The following PTCHD4 variants were observed in gnomAD, a reference collection of about 807,000 sequenced individuals.
The protein encoded by PTCHD4 is patched domain-containing protein 4.
A neutral mutation model predicts 58.1 loss-of-function variants in PTCHD4; 33 were observed. The observed-to-expected ratio is 0.57, with a 90% confidence interval of 0.43 to 0.76. The LOEUF (loss-of-function observed/expected upper bound fraction) is 0.76, where lower values mean the gene tolerates loss of function less well. Ranked by LOEUF, PTCHD4 falls within the 30% of genes least tolerant of loss-of-function variation. The pLI is 0.00. For missense variants in PTCHD4, 1,058 were observed against 1,027.1 expected (o/e 1.03, Z -0.41); for synonymous variants, 478 against 409.6 (o/e 1.17, Z -2.02).
At chr6:47,880,005 A>G in intron 4 of PTCHD4, 69 bp from the exon 5 acceptor site, 1 of 1,225,724 alleles carries the variant, frequency 8.2e-7, no homozygotes, top group Admixed American at 2.9e-5. Context: ...AATTCCTTAT[A>G]GTTTATCTAT....
In PTCHD4 at chr6:48,099,607, C is replaced by T. The variant is rs569314916; in HGVS notation, c.-970+11442G>A. Among the ~76,000 whole-genome samples the T allele has an allele frequency of 1.8e-4, 27 of 152,300 alleles. 1 individual carries two copies. In the South Asian group the frequency reaches 5.4e-3, roughly 30 times the overall value. Reference sequence around the variant, plus strand: ...CAGCCATATTTTTCTCGTGATCCTACAAGCAATGTACTTGTGGATTTGTAG... The same window carrying T: ...CAGCCATATTTTTCTCGTGATCCTATAAGCAATGTACTTGTGGATTTGTAG... On this transcript the variant is annotated intron_variant, in intron 1 of 4. Transcript: ENST00000339488.
In PTCHD4 at chr6:48,069,295, G is replaced by A. The variant is rs775002985; in HGVS notation, c.-338C>T. ...CTCCCCGCTGGAGTGAATTGAAGAG[G>A]AAATAAATGGTGAAGGTGCTGCTGG... On this transcript the variant is annotated 5_prime_UTR_variant, in exon 2 of 5. Transcript: ENST00000339488. Among the ~76,000 whole-genome samples the A allele has an allele frequency of 6.6e-6, 1 of 152,094 alleles. No homozygotes were observed. Among genetic ancestry groups the A allele is most frequent in the Non-Finnish European group, 1.5e-5 (1 of 68,006 alleles).
At position 48,111,169 on chromosome 6, in the gene PTCHD4, T is replaced by A. The variant is rs1765868909; in HGVS notation, c.-1090A>T. 2.6e-5 allele frequency among the ~76,000 whole-genome samples: 4 copies of A among 152,092 alleles called. No individual in the cohort carries two copies. In the South Asian group the frequency reaches 6.2e-4, roughly 24 times the overall value. ...CATACTGTGGTTGGTAGTGGCTGCA[T>A]CCCTCTACCGATGGCCAGACTTCTC... On this transcript the variant is annotated 5_prime_UTR_variant, in exon 1 of 5. An upstream start codon of the reference 5' UTR is lost. Transcript: ENST00000339488.
intron 1 of PTCHD4, among the ~76,000 whole-genome samples, chr6:48,099,735 G>A (rs1414455800): frequency 6.6e-6 from 1 of 152,198 alleles, no homozygotes; most frequent in Non-Finnish European, 1.5e-5. Context: ...TGGCCTCCCT[G>A]AGCTTCTAGG....
intron 4 of PTCHD4, among the ~76,000 whole-genome samples, chr6:47,959,925 A>G (rs1340821790): frequency 6.6e-6 from 1 of 151,998 alleles, no homozygotes; most frequent in Non-Finnish European, 1.5e-5. Context: ...TACAAATGTT[A>G]TAAGCAAAAA....
intron 3 of PTCHD4, among the ~76,000 whole-genome samples, chr6:48,011,294 C>T (rs1029685436): frequency 2.1e-4 from 32 of 152,300 alleles, no homozygotes; most frequent in Admixed American, 2.0e-4. Context: ...GATGGTATCT[C>T]ATTGTGGTTT....
At chr6:47,955,640 A>T (rs1205503770) in intron 4 of PTCHD4, among the ~76,000 whole-genome samples, 1 of 152,182 alleles carries the variant, frequency 6.6e-6, no homozygotes, top group Non-Finnish European at 1.5e-5. Context: ...ACATTTTTTT[A>T]ATGGATCAGA....
At position 47,861,272 on chromosome 6, in the gene PTCHD4, A is replaced by C. The variant is rs180679589; in HGVS notation, c.*17031T>G. On this transcript the variant is annotated 3_prime_UTR_variant, in exon 5 of 5. Coordinates refer to ENST00000339488, the MANE Select transcript of PTCHD4 (RefSeq NM_001384253.1). ...GTGGCAACAGGGTAGAAAACGACTCATTAACACTCCTTGCTGATGTTCTTT... is the reference window on the plus strand; with the variant it reads ...GTGGCAACAGGGTAGAAAACGACTCCTTAACACTCCTTGCTGATGTTCTTT... Among the ~76,000 whole-genome samples, 8 of 152,126 alleles carry C rather than the reference A, an allele frequency of 5.3e-5. No homozygotes were observed. In the East Asian group the frequency reaches 1.4e-3, roughly 26 times the overall value.
At chr6:47,972,157 T>C (rs1229408960) in intron 4 of PTCHD4, among the ~76,000 whole-genome samples, 1 of 152,118 alleles carries the variant, frequency 6.6e-6, no homozygotes, top group South Asian at 2.1e-4. Flanking sequence ...GTGGTAAAAG[T>C]GGGCTAAATC....
chr6:48,058,892 C>T (rs896851024), intron 3 of PTCHD4, among the ~76,000 whole-genome samples: 2 of 152,110 alleles, frequency 1.3e-5, no homozygotes, highest in Non-Finnish European at 2.9e-5. Flanking sequence ...ATTACACTTA[C>T]TAAGGAATTA....
At chr6:47,982,481 C>CTCTTTTTTTTTTTTTTTTTT (rs557273165) in intron 4 of PTCHD4, among the ~76,000 whole-genome samples, 1 of 130,794 alleles carries the variant, frequency 7.6e-6, no homozygotes, top group Non-Finnish European at 1.6e-5. Context: ...TTATCTCTCT[C>CTCTTTTTTTTTTTTTTTTTT]TTTTTTTTTT....
intron 4 of PTCHD4, among the ~76,000 whole-genome samples, chr6:47,952,540 A>G (rs1055473982): frequency 3.9e-5 from 6 of 152,158 alleles, no homozygotes; most frequent in Non-Finnish European, 7.4e-5. Flanking sequence ...CATGTGCTGC[A>G]TAACAACATT....
At chr6:48,023,120 C>T (rs564827331) in intron 3 of PTCHD4, among the ~76,000 whole-genome samples, 7 of 152,224 alleles carry the variant, frequency 4.6e-5, no homozygotes, top group East Asian at 1.9e-4. Context: ...GGTAAAATTT[C>T]GTGCCATTTC....
chr6:47,876,804 T>C lies in PTCHD4; in HGVS notation c.*1499A>G, dbSNP rs959023316. Among the ~76,000 whole-genome samples, 13 of 152,034 alleles carry C rather than the reference T, an allele frequency of 8.6e-5. No individual in the cohort carries two copies. Among genetic ancestry groups the C allele is most frequent in the Non-Finnish European group, 1.9e-4 (13 of 67,956 alleles). On this transcript the variant is annotated 3_prime_UTR_variant, in exon 5 of 5. Transcript: ENST00000339488. The stretch of plus-strand genomic sequence containing the variant: ...ACAGGAGGCACAGCAATAGTCCAAG[T>C]AAGCACCCAACAGGTGCTTGGGAGT...
rs755263463 is a variant in PTCHD4 at position 48,068,537 on chromosome 6, C to CG, written c.109dup (p.Arg37ProfsTer90). On this transcript the variant is annotated frameshift_variant, in exon 3 of 5. Transcript: ENST00000339488. LOFTEE classifies it high-confidence loss of function. This position sits in a 1 kb window ranked among gnomAD's most constrained non-coding sequence, Gnocchi z 4.2. ...CACGGTGAGGAAAAAGACCGGGTGC[C>CG]GGCTCACGCACAAACCCAGCCTGTG... The CG allele has an allele frequency of 1.9e-6, 3 of 1,609,156 alleles. No individual in the cohort carries two copies. The highest frequency in any genetic ancestry group is 2.5e-6 in the Non-Finnish European group (3 of 1,179,132).
At chr6:48,002,015 A>G (rs1012665253) in intron 4 of PTCHD4, among the ~76,000 whole-genome samples, 1 of 152,254 alleles carries the variant, frequency 6.6e-6, no homozygotes, top group East Asian at 1.9e-4. Flanking sequence ...AAAAATGTTC[A>G]TCATCACTGG....
At chr6:47,934,129 G>A (rs1765920694) in intron 4 of PTCHD4, among the ~76,000 whole-genome samples, 1 of 152,076 alleles carries the variant, frequency 6.6e-6, no homozygotes, top group African/African-American at 2.4e-5. Flanking sequence ...GGTCCCAGGC[G>A]AAACTCCAAC....
intron 4 of PTCHD4, chr6:47,901,172 A>G (rs1764685486): frequency 1.3e-5 from 2 of 150,754 alleles, no homozygotes; most frequent in African/African-American, 4.8e-5. Flanking sequence ...AAAAAAAAAA[A>G]TAATAAAATA....
chr6:47,892,045 G>C (rs573477896), intron 4 of PTCHD4, among the ~76,000 whole-genome samples: 3 of 152,300 alleles, frequency 2.0e-5, no homozygotes, highest in African/African-American at 7.2e-5. Context: ...TGTTATCACT[G>C]AAAAGAGAAT....
Sources: gnomAD v4.1 joint callset for allele counts (sites outside exome capture counted in the v4.1 genomes callset) on GRCh38, gnomAD v4.1.1 for gene constraint, Gnocchi (gnomAD v3.1) non-coding constraint, MANE v1.5 for transcripts, NCBI Gene and HGNC (gene_info 2026-07-23, HGNC 2026-07-21) for gene names.